PLEKHA1: variants seen among roughly 807,000 people sequenced by gnomAD.
PLEKHA1 encodes the protein pleckstrin homology domain-containing family A member 1.
In PLEKHA1, 34 loss-of-function variants were observed where a neutral mutation model predicts 52.0. The ratio of observed to expected loss-of-function variants is 0.65; its 90% confidence interval spans 0.50 to 0.87. The LOEUF (loss-of-function observed/expected upper bound fraction) is 0.87. PLEKHA1 is among the 40% of genes least tolerant of loss of function. The pLI, the probability that PLEKHA1 is intolerant of heterozygous loss-of-function variation, is 0.00. For synonymous variants in PLEKHA1, 163 were observed against 170.7 expected, an observed-to-expected ratio of 0.95 and a Z score of 0.35; for missense variants, 497 against 504.2, an observed-to-expected ratio of 0.99 and a Z score of 0.14.
intron 2 of PLEKHA1, among the ~76,000 whole-genome samples, chr10:122,396,114 GTGTACTACTATTAC>G (rs777467870): frequency 6.6e-6 from 1 of 151,940 alleles, no homozygotes; most frequent in Non-Finnish European, 1.5e-5. Context: ...TTTCCCCATA[GTGTACTACTATTAC>G]TGTGACACTT....
intron 1 of PLEKHA1, chr10:122,387,522 G>A (rs1042238317): frequency 6.6e-6 from 1 of 152,124 alleles, no homozygotes; most frequent in Non-Finnish European, 1.5e-5. Flanking sequence ...TGAATGCTCT[G>A]TATATTGTAT....
intron 1 of PLEKHA1, among the ~76,000 whole-genome samples, chr10:122,378,973 A>C (rs2096577128): frequency 1.3e-5 from 2 of 152,072 alleles, no homozygotes; most frequent in African/African-American, 4.8e-5. Flanking sequence ...TCAAGAAGAG[A>C]AGTAGAAAAA....
intron 8 of PLEKHA1, 24 bp downstream of exon 8, chr10:122,417,992 T>A: frequency 1.3e-6 from 2 of 1,571,644 alleles, no homozygotes; most frequent in Non-Finnish European, 1.8e-6. Context: ...TCATAAATGT[T>A]GCTATAAGAA....
chr10:122,379,314 G>A (rs2133571470), intron 1 of PLEKHA1, among the ~76,000 whole-genome samples: 1 of 152,328 alleles, frequency 6.6e-6, no homozygotes, highest in African/African-American at 2.4e-5. Context: ...TCAACCCACT[G>A]GAAACTCACT....
rs1479253865 is a variant in PLEKHA1, at chr10:122,431,280, C to T, written c.*1342C>T. 6.6e-6 allele frequency: 1 copy of T among 152,422 alleles called. No individual in the cohort carries two copies. 9.4% of individuals were successfully genotyped at this position (152,422 alleles called of 1,614,324 possible). Reference sequence around the variant, plus strand: ...GGATTACAGGTGCATGCCACCACACCTGGCTAATTTTTGTATTTTAGTAGA... The same window carrying T: ...GGATTACAGGTGCATGCCACCACACTTGGCTAATTTTTGTATTTTAGTAGA... On this transcript the variant is annotated 3_prime_UTR_variant, in exon 12 of 12. Transcript: ENST00000368990.
At chr10:122,441,289 G>A in the PLEKHA1 span, 2 of 152,130 alleles carry the variant, frequency 1.3e-5, no homozygotes, top group Non-Finnish European at 2.9e-5. Flanking sequence ...AGGTAACATA[G>A]TGAGACATCG....
Position 122,423,941 on chromosome 10 carries a change from A to G in PLEKHA1, c.682-258A>G, listed in dbSNP as rs997717359. Reference sequence around the variant, plus strand: ...TGGCTAATAGCTTTTAATTAGTTACACTGCCCTTAAGGCCAGAAATAATGT... The same window carrying G: ...TGGCTAATAGCTTTTAATTAGTTACGCTGCCCTTAAGGCCAGAAATAATGT... On this transcript the variant is annotated intron_variant, in intron 8 of 11. Transcript: ENST00000368990. The G allele has an allele frequency of 9.0e-6, 4 of 444,458 alleles. No individual in the cohort carries two copies. In the Admixed American group the frequency reaches 1.3e-4, roughly 15 times the overall value. 27.5% of individuals were successfully genotyped at this position (444,458 alleles called of 1,614,324 possible). A position where few individuals can be genotyped will look rare whatever the true frequency, so the allele number is the denominator to read the frequency against.
rs1038823823 is a variant in PLEKHA1, at chr10:122,430,768, T to G, written c.*830T>G. ...TCAAGTTTATATGTAAAGACATAAC[T>G]GCCCTTAGTCATGAAATTGTTGTGA... is the stretch of plus-strand genomic sequence containing the variant. On this transcript the variant is annotated 3_prime_UTR_variant, in exon 12 of 12. Coordinates refer to ENST00000368990, the MANE Select transcript of PLEKHA1 (RefSeq NM_001001974.4). The G allele has an allele frequency of 6.6e-6, 1 of 152,262 alleles. No individual in the cohort carries two copies. Among genetic ancestry groups the G allele is most frequent in the African/African-American group, 2.4e-5 (1 of 41,466 alleles). 9.4% of individuals were successfully genotyped at this position (152,262 alleles called of 1,614,324 possible).
intron 2 of PLEKHA1, among the ~76,000 whole-genome samples, chr10:122,395,064 G>A (rs908215133): frequency 1.3e-5 from 2 of 152,296 alleles, no homozygotes; most frequent in Middle Eastern, 3.4e-3. Flanking sequence ...TAGAAGTTTG[G>A]ATATAATATT....
rs375279812 is a variant in PLEKHA1, at chr10:122,380,182, CTT to C, written c.-21+5377_-21+5378del. Among the ~76,000 whole-genome samples, 607 of 152,310 alleles carry C rather than the reference CTT, an allele frequency of 4.0e-3. 2 individuals are homozygous for C. The highest frequency in any genetic ancestry group is 0.014 in the African/African-American group (576 of 41,550). ...GAAGAAACAACTTTCTATCTGGAAA[CTT>C]AACGTTAATCTTTGATGCAGTAATT... On this transcript the variant is annotated intron_variant, in intron 1 of 11. Coordinates refer to ENST00000368990, the MANE Select transcript of PLEKHA1 (RefSeq NM_001001974.4).
At chr10:122,385,432 C>G (rs2096677339) in intron 1 of PLEKHA1, among the ~76,000 whole-genome samples, 1 of 151,044 alleles carries the variant, frequency 6.6e-6, no homozygotes, top group Admixed American at 6.6e-5. Context: ...ATTCTCCTGC[C>G]TCAGCCTCCT....
Position 122,428,440 on chromosome 10 carries a change from C to G in PLEKHA1, c.901-1184C>G, listed in dbSNP as rs1298235835. The G allele has an allele frequency of 4.2e-6, 6 of 1,420,650 alleles. No individual in the cohort carries two copies. The Admixed American group carries it at 9.4e-5, about 22-fold the overall frequency. The allele number at this position is 1,420,650 out of a possible 1,614,324, so 88.0% of individuals were successfully genotyped here. ...TAGAAAGTTGAGTTAACCAAACTGCCTTTTGCAGTTATCATAACTGATTTT... is the reference window on the plus strand; with the variant it reads ...TAGAAAGTTGAGTTAACCAAACTGCGTTTTGCAGTTATCATAACTGATTTT... On this transcript the variant is annotated intron_variant, in intron 11 of 11. Coordinates refer to ENST00000368990, the MANE Select transcript of PLEKHA1 (RefSeq NM_001001974.4).
intron 8 of PLEKHA1, 24 bp from the exon 9 acceptor site, chr10:122,424,169 CTGTTTT>C: frequency 1.4e-6 from 1 of 728,544 alleles, no homozygotes; most frequent in Non-Finnish European, 2.0e-6. Flanking sequence ...CATCATGTAA[CTGTTTT>C]TTTTTTTTTT....
At chr10:122,397,720 G>A (rs1238244480) in intron 2 of PLEKHA1, among the ~76,000 whole-genome samples, 198 bp from the exon 3 acceptor site, 1 of 152,050 alleles carries the variant, frequency 6.6e-6, no homozygotes, top group East Asian at 1.9e-4. Flanking sequence ...ATGGAACAGA[G>A]TAGGATTCAG....
At chr10:122,438,497 G>A in the PLEKHA1 span, 3 of 152,220 alleles carry the variant, frequency 2.0e-5, no homozygotes, top group African/African-American at 7.2e-5. Flanking sequence ...GGGTAGACGT[G>A]GAGGGGTAAG....
At chr10:122,433,342 G>A (rs980129804), downstream of PLEKHA1, 1 of 152,234 alleles carries the variant, frequency 6.6e-6, no homozygotes, top group Non-Finnish European at 1.5e-5. Context: ...AAAGGAGGAG[G>A]ATTTGCCTGG....
chr10:122,397,815 A>AAAATGT, intron 2 of PLEKHA1, 103 bp from the exon 3 acceptor site: 1 of 901,844 alleles, frequency 1.1e-6, no homozygotes, highest in Non-Finnish European at 1.6e-6. Flanking sequence ...TGTGATATTA[A>AAAATGT]AAAATTGAGT....
intron 2 of PLEKHA1, among the ~76,000 whole-genome samples, chr10:122,396,586 G>A (rs1283049675): frequency 1.3e-5 from 2 of 151,824 alleles, no homozygotes; most frequent in Non-Finnish European, 2.9e-5. Context: ...TTCATGTTTG[G>A]GACTCTTAAG....
chr10:122,430,092 A>G lies in PLEKHA1; in HGVS notation c.*154A>G, dbSNP rs564813001. The G allele has an allele frequency of 1.2e-5, 10 of 806,274 alleles. No individual in the cohort carries two copies. Among genetic ancestry groups the G allele is most frequent in the Admixed American group, 1.0e-4 (3 of 28,696 alleles). 49.9% of individuals were successfully genotyped at this position (806,274 alleles called of 1,614,324 possible). The stretch of plus-strand genomic sequence containing the variant: ...TTATAAGCTGGTAAACCAAGAATCT[A>G]GGGAGTGGCCAAACTAAATATAATT... On this transcript the variant is annotated 3_prime_UTR_variant, in exon 12 of 12. Transcript: ENST00000368990.
Sources: allele counts gnomAD v4.1 joint callset (sites outside exome capture counted in the v4.1 genomes callset), GRCh38; gene constraint gnomAD v4.1.1; transcripts MANE v1.5; gene names NCBI Gene and HGNC (gene_info 2026-07-23, HGNC 2026-07-21).